The following NUP153 variants were observed in gnomAD, a reference collection of about 807,000 sequenced individuals.
NUP153 encodes nucleoporin 153, also known as nuclear pore complex protein Nup153.
In NUP153, 27 loss-of-function variants were observed where a neutral mutation model predicts 134.6. The observed-to-expected ratio is 0.20, with a 90% CI of 0.15 to 0.28. The LOEUF (loss-of-function observed/expected upper bound fraction) is 0.28, where lower values mean the gene tolerates loss of function less well. Ranked by LOEUF, NUP153 falls within the 10% of genes least tolerant of loss-of-function variation. NUP153 has a pLI of 1.00. For synonymous variants in NUP153, 640 were observed against 623.5 expected (o/e 1.03, Z -0.40); for missense variants, 1,821 against 1,731.3 (o/e 1.05, Z -0.92).
intron 17 of NUP153, among the ~76,000 whole-genome samples, chr6:17,632,095 C>T (rs898308259): frequency 2.0e-5 from 3 of 152,114 alleles, no homozygotes; most frequent in Non-Finnish European, 4.4e-5. Context: ...ACCAAAGCCA[C>T]AGCCTGTATC....
chr6:17,660,850 C>G (rs1336362867), intron 11 of NUP153, among the ~76,000 whole-genome samples: 1 of 152,120 alleles, frequency 6.6e-6, no homozygotes, highest in African/African-American at 2.4e-5. Flanking sequence ...CGTGTGCAGA[C>G]AGAAAAGTGC....
chr6:17,667,307 G>T (rs546115258), intron 8 of NUP153, among the ~76,000 whole-genome samples: 32 of 152,212 alleles, frequency 2.1e-4, no homozygotes, highest in African/African-American at 7.0e-4. Flanking sequence ...CTTTGCATCA[G>T]AATTTCATTA....
intron 11 of NUP153, among the ~76,000 whole-genome samples, chr6:17,651,165 G>T (rs1041803649): frequency 1.3e-5 from 2 of 152,032 alleles, no homozygotes; most frequent in African/African-American, 4.8e-5. Context: ...AACTAGCCAG[G>T]TGCAGTGGCA....
chr6:17,675,777 A>G lies in NUP153; in HGVS notation c.335-7T>C, dbSNP rs749860440. 49 of 1,611,928 alleles carry G rather than the reference A, an allele frequency of 3.0e-5. No individual in the cohort carries two copies. Among genetic ancestry groups the G allele is most frequent in the African/African-American group, 4.0e-5 (3 of 74,912 alleles). On this transcript the variant is annotated splice_polypyrimidine_tract_variant and splice_region_variant and intron_variant, in intron 2 of 21. Coordinates refer to ENST00000262077, the MANE Select transcript of NUP153 (RefSeq NM_005124.4). The surrounding 1 kb of genome is among the most constrained non-coding windows in gnomAD (Gnocchi z 4.4). The stretch of plus-strand genomic sequence containing the variant: ...GTACTAGTTGTTGAAGGTTCTTAAA[A>G]GAAAAGCATTAATATTATGAATATA...
rs1770484704 is a variant in NUP153 at position 17,706,208 on chromosome 6, T to A, written c.111+69A>T. Reference sequence around the variant, plus strand: ...CTGCTCCACGTGGGGCGCCGGGGCCTCGAACCGCCCGTCCCCTCCAGCCGA... The same window carrying A: ...CTGCTCCACGTGGGGCGCCGGGGCCACGAACCGCCCGTCCCCTCCAGCCGA... On this transcript the variant is annotated intron_variant, in intron 1 of 21. Transcript: ENST00000262077. The surrounding 1 kb of genome is among the most constrained non-coding windows in gnomAD (Gnocchi z 5.9). The A allele has an allele frequency of 7.5e-7, 1 of 1,330,964 alleles. No individual in the cohort carries two copies. The allele number at this position is 1,330,964 out of a possible 1,614,324, so 82.4% of individuals were successfully genotyped here.
At position 17,680,349 on chromosome 6, in the gene NUP153, A is replaced by G. The variant is rs762726909; in HGVS notation, c.335-4579T>C. Reference sequence around the variant, plus strand: ...TTCAACAAGGATTTCAAGACCACTCAATGGGAAAAGGACAGTCTCTTCATT... The same window carrying G: ...TTCAACAAGGATTTCAAGACCACTCGATGGGAAAAGGACAGTCTCTTCATT... On this transcript the variant is annotated intron_variant, in intron 2 of 21. Transcript: ENST00000262077. This position sits in a 1 kb window ranked among gnomAD's most constrained non-coding sequence, Gnocchi z 4.5. Among the ~76,000 whole-genome samples the G allele has an allele frequency of 6.6e-5, 10 of 152,218 alleles. No individual in the cohort carries two copies. Among genetic ancestry groups the G allele is most frequent in the Non-Finnish European group, 1.3e-4 (9 of 68,038 alleles).
chr6:17,635,078 C>T lies in NUP153; in HGVS notation c.2464+2075G>A, dbSNP rs142486947. Among the ~76,000 whole-genome samples, 316 of 151,022 alleles carry T rather than the reference C, an allele frequency of 2.1e-3. 2 individuals are homozygous for T. Among genetic ancestry groups the T allele is most frequent in the African/African-American group, 7.5e-3 (308 of 41,306 alleles). On this transcript the variant is annotated intron_variant, in intron 16 of 21. Coordinates refer to ENST00000262077, the MANE Select transcript of NUP153 (RefSeq NM_005124.4). ...CATAGCCATCCTAAGCCACATGCAG[C>T]CCACAGGTTGCACAGCTTGGCTTAT... is the stretch of plus-strand genomic sequence containing the variant.
chr6:17,646,261 G>A, intron 13 of NUP153, 107 bp from the exon 14 acceptor site: 4 of 524,950 alleles, frequency 7.6e-6, no homozygotes, highest in Non-Finnish European at 1.3e-5. Context: ...AGGCTGGAGT[G>A]CAGTGGCGCA....
chr6:17,683,727 AAG>A (rs1203639751), intron 2 of NUP153, among the ~76,000 whole-genome samples: 2 of 152,132 alleles, frequency 1.3e-5, no homozygotes, highest in South Asian at 2.1e-4. Context: ...AACCCCTAAT[AAG>A]AGAGTTAGCC....
intron 2 of NUP153, among the ~76,000 whole-genome samples, chr6:17,682,159 C>T (rs1213910738): frequency 6.6e-6 from 1 of 152,018 alleles, no homozygotes; most frequent in African/African-American, 2.4e-5. Flanking sequence ...TTTCCCAGTG[C>T]ATACAAAAGT....
At chr6:17,661,020 CAAG>C (rs1424553978) in intron 11 of NUP153, among the ~76,000 whole-genome samples, 2 of 151,856 alleles carry the variant, frequency 1.3e-5, no homozygotes, top group Non-Finnish European at 2.9e-5. Context: ...AACAGGCAAG[CAAG>C]AAGAAGACAG....
intron 9 of NUP153, among the ~76,000 whole-genome samples, 195 bp downstream of exon 9, chr6:17,665,044 C>G (rs1202402552): frequency 3.9e-3 from 5 of 1,292 alleles, no homozygotes; most frequent in African/African-American, 6.4e-3. Flanking sequence ...CAGAGTGAGA[C>G]TCCGTCTCAA....
At chr6:17,622,692 TA>T (rs926575612) in intron 20 of NUP153, among the ~76,000 whole-genome samples, 223 of 127,876 alleles carry the variant, frequency 1.7e-3, no homozygotes, top group East Asian at 7.2e-3. Flanking sequence ...GCTCTTTACA[TA>T]AAAAAAAAAT....
At chr6:17,705,594 GGA>G (rs1450417783) in intron 1 of NUP153, among the ~76,000 whole-genome samples, 77 of 138,896 alleles carry the variant, frequency 5.5e-4, no homozygotes, top group African/African-American at 1.9e-3. Flanking sequence ...TTGGGGGGGG[GGA>G]GGGGAGTCGC....
chr6:17,624,065 T>A (rs1448996515), intron 20 of NUP153, among the ~76,000 whole-genome samples: 1 of 152,148 alleles, frequency 6.6e-6, no homozygotes, highest in Non-Finnish European at 1.5e-5. Context: ...AACAACAATT[T>A]TAAGAAAATA....
chr6:17,649,898 A>G (rs1160270525), intron 11 of NUP153, among the ~76,000 whole-genome samples: 1 of 152,188 alleles, frequency 6.6e-6, no homozygotes, highest in Non-Finnish European at 1.5e-5. Flanking sequence ...CTTGGAACAT[A>G]TCCCTTGCAG....
At chr6:17,656,358 G>A (rs937043308) in intron 11 of NUP153, among the ~76,000 whole-genome samples, 2 of 152,178 alleles carry the variant, frequency 1.3e-5, no homozygotes, top group African/African-American at 4.8e-5. Context: ...ACACAAAATT[G>A]GCAGTTGGCC....
In NUP153 at chr6:17,628,912, G is replaced by A. The variant is rs760850709; in HGVS notation, c.3287C>T (p.Ser1096Leu). The A allele has an allele frequency of 1.9e-6, 3 of 1,614,090 alleles. No homozygotes were observed. The East Asian group carries it at 6.7e-5, about 36-fold the overall frequency. The change falls in exon 18 of 22, where the codon TCA becomes TTA. Residue 1096 changes from serine to leucine, a missense_variant. Ser to Leu is a moderately radical substitution (Grantham distance 145). Transcript: ENST00000262077. This position sits in a 1 kb window ranked among gnomAD's most constrained non-coding sequence, Gnocchi z 5.4. ...TTCTGTCCTTCCCAAAACAAACACT[G>A]AGGCAGATGGCAGAGAGGCAGGCTC... ...NVEPASLPSA[S>L]VFVLGRTEEK...
intron 2 of NUP153, among the ~76,000 whole-genome samples, chr6:17,684,991 A>T (rs1351132130): frequency 6.6e-6 from 1 of 152,224 alleles, no homozygotes; most frequent in East Asian, 1.9e-4. Context: ...ACATAATTTA[A>T]AAGTTTGAAA....
Sources: allele counts gnomAD v4.1 joint callset (sites outside exome capture counted in the v4.1 genomes callset), GRCh38; gene constraint gnomAD v4.1.1; non-coding constraint Gnocchi (gnomAD v3.1); transcripts MANE v1.5; gene names NCBI Gene and HGNC (gene_info 2026-07-23, HGNC 2026-07-21).